Variants in NKAIN2 observed in about 807,000 individuals in gnomAD.
NKAIN2 encodes sodium/potassium-transporting ATPase subunit beta-1-interacting protein 2.
Under a neutral mutation model 32.6 loss-of-function variants are expected in NKAIN2, and 14 were observed. The ratio of observed to expected loss-of-function variants is 0.43; its 90% CI spans 0.28 to 0.67. NKAIN2 has a LOEUF of 0.67. NKAIN2 is among the 30% of genes least tolerant of loss of function. NKAIN2 has a pLI of 0.17. For missense variants in NKAIN2, 198 were observed against 258.3 expected (o/e 0.77, Z 1.60); for synonymous variants, 80 against 87.2 (o/e 0.92, Z 0.46).
chr6:124,771,921 A>G (rs1778778148), intron 4 of NKAIN2, among the ~76,000 whole-genome samples: 1 of 152,144 alleles, frequency 6.6e-6, no homozygotes, highest in Non-Finnish European at 1.5e-5. Flanking sequence ...GAGTTGCTAG[A>G]GAGAATGGCA....
At chr6:124,793,942 G>C (rs953662687) in intron 5 of NKAIN2, among the ~76,000 whole-genome samples, 27 of 152,146 alleles carry the variant, frequency 1.8e-4, no homozygotes, top group African/African-American at 6.5e-4. Context: ...GGAAGGAGTG[G>C]GGTCAGCCAT....
At chr6:124,497,824 T>TAAAAAAAAAAAAAAAAAAAA (rs33913104) in intron 3 of NKAIN2, among the ~76,000 whole-genome samples, 1 of 105,710 alleles carries the variant, frequency 9.5e-6, no homozygotes. Context: ...GAGTAAGGGG[T>TAAAAAAAAAAAAAAAAAAAA]AAAAAAAAAA....
intron 1 of NKAIN2, among the ~76,000 whole-genome samples, chr6:124,113,966 T>C (rs1785498161): frequency 6.6e-6 from 1 of 152,206 alleles, no homozygotes; most frequent in South Asian, 2.1e-4. Flanking sequence ...TACATTCTTG[T>C]ATGATTAGTT....
intron 4 of NKAIN2, 185 bp downstream of exon 4, chr6:124,658,571 A>G: frequency 7.2e-7 from 1 of 1,393,532 alleles, no homozygotes; most frequent in Non-Finnish European, 9.6e-7. Context: ...TAGTGTGCTG[A>G]TTTTCTTCGA....
intron 1 of NKAIN2, among the ~76,000 whole-genome samples, chr6:124,132,870 T>C (rs1310940312): frequency 6.6e-6 from 1 of 152,140 alleles, no homozygotes; most frequent in African/African-American, 2.4e-5. Flanking sequence ...ATCACTACAG[T>C]CTGGCTCTCA....
At chr6:124,823,094 C>G (rs1020843628) in intron 6 of NKAIN2, 126 bp from the exon 7 acceptor site, 2 of 766,620 alleles carry the variant, frequency 2.6e-6, no homozygotes, top group Admixed American at 2.0e-5. Context: ...ATTTAAAACC[C>G]AATTTGGGCT....
Position 124,303,879 on chromosome 6 carries a change from G to A in NKAIN2, c.192+20737G>A, listed in dbSNP as rs879714866. 5.3e-5 allele frequency among the ~76,000 whole-genome samples: 8 copies of A among 152,276 alleles called. No homozygotes were observed. In the South Asian group the frequency reaches 8.3e-4, roughly 16 times the overall value. On this transcript the variant is annotated intron_variant, in intron 2 of 6. Transcript: ENST00000368417. The stretch of plus-strand genomic sequence containing the variant: ...AGAGAGTGGATTCAAGGGATATAGA[G>A]ATGAGTGAATCTGAATGATTTGTTC...
At chr6:123,927,015 C>T (rs1476614880) in intron 1 of NKAIN2, among the ~76,000 whole-genome samples, 1 of 152,146 alleles carries the variant, frequency 6.6e-6, no homozygotes, top group Non-Finnish European at 1.5e-5. Flanking sequence ...ATATAATTAA[C>T]TTGCTGATAA....
intron 1 of NKAIN2, among the ~76,000 whole-genome samples, chr6:123,890,335 T>G (rs1419947889): frequency 6.6e-6 from 1 of 151,830 alleles, no homozygotes; most frequent in Non-Finnish European, 1.5e-5. Flanking sequence ...CATTCTCTAT[T>G]TATAGTAGTG....
intron 1 of NKAIN2, among the ~76,000 whole-genome samples, chr6:124,133,602 A>T (rs1308045555): frequency 6.6e-6 from 1 of 152,132 alleles, no homozygotes; most frequent in Non-Finnish European, 1.5e-5. Flanking sequence ...ACCAGAAAAA[A>T]AATTAAATAA....
At chr6:124,172,832 T>TA (rs200489803) in intron 1 of NKAIN2, among the ~76,000 whole-genome samples, 1,608 of 152,238 alleles carry the variant, frequency 0.011, 38 homozygotes, top group African/African-American at 0.036. Context: ...TACATTAATA[T>TA]TCAGAAATCA....
intron 3 of NKAIN2, among the ~76,000 whole-genome samples, chr6:124,586,875 G>A (rs1287961982): frequency 1.3e-5 from 2 of 152,300 alleles, no homozygotes; most frequent in East Asian, 3.9e-4. Flanking sequence ...ACTGATATAT[G>A]CAGCAACATG....
At chr6:124,096,858 CAAAAAAAAAA>C (rs60102766) in intron 1 of NKAIN2, among the ~76,000 whole-genome samples, 1 of 102,590 alleles carries the variant, frequency 9.7e-6, no homozygotes. Context: ...ACTCCGTCTC[CAAAAAAAAAA>C]AAAAAAAAAA....
At chr6:124,443,322 C>T (rs1447112091) in intron 3 of NKAIN2, among the ~76,000 whole-genome samples, 1 of 152,028 alleles carries the variant, frequency 6.6e-6, no homozygotes, top group Non-Finnish European at 1.5e-5. Context: ...TGATATTCTC[C>T]AAGGTGTCCA....
intron 3 of NKAIN2, among the ~76,000 whole-genome samples, chr6:124,356,136 G>T (rs752033981): frequency 6.6e-6 from 1 of 152,106 alleles, no homozygotes; most frequent in Admixed American, 6.6e-5. Context: ...CCCTGTATTA[G>T]AGCAGAAGGC....
intron 4 of NKAIN2, among the ~76,000 whole-genome samples, chr6:124,714,616 AAAGT>A (rs1324784149): frequency 3.3e-5 from 5 of 152,318 alleles, no homozygotes; most frequent in African/African-American, 1.2e-4. Flanking sequence ...CCTACAAACG[AAAGT>A]AAGAGAAGTT....
At chr6:123,997,128 C>T (rs565373417) in intron 1 of NKAIN2, among the ~76,000 whole-genome samples, 3 of 152,160 alleles carry the variant, frequency 2.0e-5, no homozygotes, top group South Asian at 2.1e-4. Context: ...TCTAGTACAA[C>T]GTGTGATCAG....
intron 2 of NKAIN2, among the ~76,000 whole-genome samples, chr6:124,334,339 G>A (rs913147471): frequency 1.6e-4 from 25 of 152,184 alleles, no homozygotes; most frequent in Admixed American, 4.6e-4. Flanking sequence ...AGACAGAGTC[G>A]ATTTATCCGG....
intron 4 of NKAIN2, among the ~76,000 whole-genome samples, chr6:124,685,810 T>C (rs1773845045): frequency 1.3e-5 from 2 of 152,234 alleles, no homozygotes; most frequent in African/African-American, 4.8e-5. Flanking sequence ...CATATCTTCA[T>C]GTCTGTATTA....
Sources: gnomAD v4.1 joint callset for allele counts (sites outside exome capture counted in the v4.1 genomes callset) on GRCh38, gnomAD v4.1.1 for gene constraint, MANE v1.5 for transcripts, NCBI Gene and HGNC (gene_info 2026-07-23, HGNC 2026-07-21) for gene names.